FAM124B: variants seen among roughly 807,000 people sequenced by gnomAD.
FAM124B encodes the protein family with sequence similarity 124 member B.
Under a neutral mutation model 19.7 loss-of-function variants are expected in FAM124B, and 18 were observed. The observed-to-expected ratio is 0.92, with a 90% confidence interval of 0.63 to 1.36. The LOEUF (loss-of-function observed/expected upper bound fraction) is 1.36, where lower values mean the gene tolerates loss of function less well. Among genes scored for constraint, FAM124B ranks in the 40% most tolerant of loss-of-function variants. The pLI, the probability that FAM124B is intolerant of heterozygous loss-of-function variation, is 0.00. For synonymous variants in FAM124B, 223 were observed against 225.2 expected (o/e 0.99, Z 0.09); for missense variants, 540 against 553.3 (o/e 0.98, Z 0.24).
In FAM124B at chr2:224,401,131, C is replaced by T; in HGVS notation, c.638G>A (p.Gly213Asp). Residue 213 changes from glycine to aspartate, a missense_variant, in exon 1 of 2, where the codon GGC (glycine) becomes GAC (aspartate). Gly to Asp is a moderately conservative substitution (Grantham distance 94). Transcript: ENST00000409685. ...ATTGGGTAGCAGAGGCACTAACTGG[C>T]CGATCTCTTGAACCTTAAACTGCAG... Reference protein sequence around the residue: ...SVLQFKVQEIGQLVPLLPNPC... With the variant: ...SVLQFKVQEIDQLVPLLPNPC... 1 of 1,614,172 alleles carries T rather than the reference C, an allele frequency of 6.2e-7. No individual in the cohort carries two copies. The highest frequency in any genetic ancestry group is 1.1e-5 in the South Asian group (1 of 91,084).
At chr2:224,385,492 G>C (rs1689788907) in intron 1 of FAM124B, among the ~76,000 whole-genome samples, 2 of 152,156 alleles carry the variant, frequency 1.3e-5, no homozygotes, top group Non-Finnish European at 2.9e-5. Flanking sequence ...CTGCCCCAGG[G>C]CAATCTCAGG....
At chr2:224,384,988 A>G (rs555926731) in intron 1 of FAM124B, among the ~76,000 whole-genome samples, 1 of 152,020 alleles carries the variant, frequency 6.6e-6, no homozygotes, top group South Asian at 2.1e-4. Flanking sequence ...CTTGAAAAAC[A>G]CATTCTTTCC....
chr2:224,387,110 G>A (rs1689811506), intron 1 of FAM124B, among the ~76,000 whole-genome samples: 1 of 152,244 alleles, frequency 6.6e-6, no homozygotes, highest in African/African-American at 2.4e-5. Flanking sequence ...CTGAGTGATT[G>A]AGATGAATCC....
intron 1 of FAM124B, among the ~76,000 whole-genome samples, chr2:224,386,029 G>A (rs868863981): frequency 1.9e-4 from 29 of 152,178 alleles, no homozygotes; most frequent in African/African-American, 6.7e-4. Flanking sequence ...CTGCTTCAGT[G>A]ACGCCCTACT....
chr2:224,389,644 G>A (rs1019341704), intron 1 of FAM124B, among the ~76,000 whole-genome samples: 1 of 152,116 alleles, frequency 6.6e-6, no homozygotes, highest in African/African-American at 2.4e-5. Context: ...GAGGAGGGCT[G>A]CAGATGATGA....
At chr2:224,397,270 CCT>C (rs1353681118) in intron 1 of FAM124B, among the ~76,000 whole-genome samples, 1 of 152,044 alleles carries the variant, frequency 6.6e-6, no homozygotes, top group Non-Finnish European at 1.5e-5. Flanking sequence ...CTGCACAAGC[CCT>C]CTCTTTGCCA....
At chr2:224,400,544 C>G in intron 1 of FAM124B, 2 of 683,684 alleles carry the variant, frequency 2.9e-6, no homozygotes, top group Non-Finnish European at 5.3e-6. Context: ...AAAACCATAT[C>G]TAAACATAAG....
At chr2:224,395,460 C>G (rs915302093) in intron 1 of FAM124B, among the ~76,000 whole-genome samples, 1 of 152,118 alleles carries the variant, frequency 6.6e-6, no homozygotes, top group Non-Finnish European at 1.5e-5. Flanking sequence ...GCTACCTTCC[C>G]CCAGAACACA....
chr2:224,385,118 C>G (rs181227503), intron 1 of FAM124B, among the ~76,000 whole-genome samples: 3 of 152,272 alleles, frequency 2.0e-5, no homozygotes, highest in Non-Finnish European at 4.4e-5. Flanking sequence ...ATGCCACTGA[C>G]AAGATAAAAT....
At chr2:224,389,829 G>C (rs903023896) in intron 1 of FAM124B, among the ~76,000 whole-genome samples, 11 of 152,176 alleles carry the variant, frequency 7.2e-5, no homozygotes, top group Non-Finnish European at 1.6e-4. Context: ...CGTAACCTCA[G>C]TGGGGAAATC....
At chr2:224,391,715 C>T (rs1689891830) in intron 1 of FAM124B, among the ~76,000 whole-genome samples, 1 of 152,054 alleles carries the variant, frequency 6.6e-6, no homozygotes. Flanking sequence ...ACAGAGAGAC[C>T]TGAGTTTGAA....
intron 1 of FAM124B, among the ~76,000 whole-genome samples, chr2:224,395,915 A>G (rs1689962408): frequency 6.6e-6 from 1 of 152,200 alleles, no homozygotes; most frequent in African/African-American, 2.4e-5. Flanking sequence ...TACTTTACCA[A>G]GCACCACCAT....
chr2:224,394,778 T>C (rs1004709977), intron 1 of FAM124B, among the ~76,000 whole-genome samples: 1 of 152,136 alleles, frequency 6.6e-6, no homozygotes, highest in Non-Finnish European at 1.5e-5. Context: ...CAAGTCACAC[T>C]TCCTCCATGT....
chr2:224,390,850 A>G lies in FAM124B; in HGVS notation c.732+10187T>C, dbSNP rs549938885. Among the ~76,000 whole-genome samples the G allele has an allele frequency of 5.4e-4, 81 of 151,282 alleles. No homozygotes were observed. In the East Asian group the frequency reaches 8.0e-3, roughly 15 times the overall value. ...CGAGTAGCTGGGACTACAGGCGCCC[A>G]CCACCACGCCCGGCTAATTTTTTTG... On this transcript the variant is annotated intron_variant, in intron 1 of 1. Coordinates refer to ENST00000409685, the MANE Select transcript of FAM124B (RefSeq NM_001122779.2).
At chr2:224,396,421 G>A (rs188309807) in intron 1 of FAM124B, among the ~76,000 whole-genome samples, 162 of 152,244 alleles carry the variant, frequency 1.1e-3, no homozygotes, top group Middle Eastern at 6.8e-3. Flanking sequence ...GCCCCTCCTC[G>A]GCCTAGCTCC....
In FAM124B at chr2:224,401,028, CAG is replaced by C; in HGVS notation, c.732+7_732+8del. The C allele has an allele frequency of 6.3e-7, 1 of 1,579,500 alleles. No homozygotes were observed. The highest frequency in any genetic ancestry group is 8.6e-7 in the Non-Finnish European group (1 of 1,161,592). ...AGCCTCTACAAGATCTGAGACAAAA[CAG>C]AAATACCTGAAGCAGAATCTTGTTG... On this transcript the variant is annotated splice_region_variant and intron_variant, in intron 1 of 1. Transcript: ENST00000409685.
intron 1 of FAM124B, among the ~76,000 whole-genome samples, chr2:224,393,666 T>C (rs144665477): frequency 2.5e-3 from 373 of 151,890 alleles, no homozygotes; most frequent in African/African-American, 6.9e-3. Context: ...CCAGGAGAAG[T>C]GGGTAAAGAA....
intron 1 of FAM124B, among the ~76,000 whole-genome samples, chr2:224,386,764 A>G (rs1689806558): frequency 6.6e-6 from 1 of 152,310 alleles, no homozygotes; most frequent in East Asian, 1.9e-4. Context: ...TCAATAAGTA[A>G]TCACTAAATA....
rs77092076 is a variant in FAM124B at position 224,379,846 on chromosome 2, G to A, written c.1095C>T (p.Thr365=). 1.8e-5 allele frequency: 28 copies of A among 1,552,086 alleles called. No individual in the cohort carries two copies. The highest frequency in any genetic ancestry group is 1.4e-4 in the African/African-American group (10 of 73,144). ...QKLEAETNVD[T]GLTIINSEPR... is the part of the protein sequence containing the mutation. Reference sequence around the variant, plus strand: ...GTTCAGAATTTATGATGGTCAAGCCGGTGTCAACATTCGTCTCGGCCTCAA... The same window carrying A: ...GTTCAGAATTTATGATGGTCAAGCCAGTGTCAACATTCGTCTCGGCCTCAA... Residue 365 remains threonine, a synonymous_variant, in exon 2 of 2, where the codon ACC becomes ACT. Coordinates refer to ENST00000409685, the MANE Select transcript of FAM124B (RefSeq NM_001122779.2).
Sources: allele counts gnomAD v4.1 joint callset (sites outside exome capture counted in the v4.1 genomes callset), GRCh38; gene constraint gnomAD v4.1.1; transcripts MANE v1.5; gene names NCBI Gene and HGNC (gene_info 2026-07-23, HGNC 2026-07-21).